The following CYLD variants were observed in gnomAD, a reference collection of about 807,000 sequenced individuals.
CYLD encodes CYLD lysine 63 deubiquitinase, also known as ubiquitin carboxyl-terminal hydrolase CYLD.
Under a neutral mutation model 104.5 loss-of-function variants are expected in CYLD, and 26 were observed. The ratio of observed to expected loss-of-function variants is 0.25; its 90% CI spans 0.18 to 0.35. CYLD has a LOEUF of 0.35. Ranked by LOEUF, CYLD falls within the 10% of genes least tolerant of loss-of-function variation. The probability of loss-of-function intolerance (pLI) is 1.00; values close to 1 mark genes in which losing one functional copy is unlikely to be tolerated. For missense variants in CYLD, 703 were observed against 1,136.1 expected (o/e 0.62, Z 5.48); for synonymous variants, 385 against 399.9 (o/e 0.96, Z 0.45).
chr16:50,750,212 A>G lies in CYLD; in HGVS notation c.504+10A>G, dbSNP rs1179869402. Reference sequence around the variant, plus strand: ...TGGAGTTGAATTGCTGGTAAGTTTGATAAACCATTTTAGTAGTGTGTTTGT... The same window carrying G: ...TGGAGTTGAATTGCTGGTAAGTTTGGTAAACCATTTTAGTAGTGTGTTTGT... On this transcript the variant is annotated intron_variant, in intron 3 of 18. Coordinates refer to ENST00000427738, the MANE Select transcript of CYLD (RefSeq NM_001378743.1). 44 of 1,613,452 alleles carry G rather than the reference A, an allele frequency of 2.7e-5. No individual in the cohort carries two copies. The highest frequency in any genetic ancestry group is 3.4e-5 in the Non-Finnish European group (40 of 1,179,868).
intron 8 of CYLD, among the ~76,000 whole-genome samples, chr16:50,779,019 C>G (rs1388940465): frequency 6.6e-6 from 1 of 152,046 alleles, no homozygotes; most frequent in Non-Finnish European, 1.5e-5. Context: ...AAATTACATT[C>G]TGTGTTTGTG....
intron 2 of CYLD, 82 bp downstream of exon 2, chr16:50,742,923 A>G (rs1965843408): frequency 5.0e-6 from 2 of 397,236 alleles, no homozygotes; most frequent in East Asian, 7.2e-5. Context: ...GAAGTCATGA[A>G]ATCTTCAGGA....
At chr16:50,754,975 G>GTATACATATATACATATATATGTATA in intron 5 of CYLD, among the ~76,000 whole-genome samples, 1 of 124,750 alleles carries the variant, frequency 8.0e-6, no homozygotes, top group East Asian at 2.3e-4. Flanking sequence ...ACACATATAT[G>GTATACATATATACATATATATGTATA]TATACATATA....
intron 5 of CYLD, among the ~76,000 whole-genome samples, chr16:50,771,400 G>A (rs1969131165): frequency 6.6e-6 from 1 of 152,066 alleles, no homozygotes; most frequent in Non-Finnish European, 1.5e-5. Flanking sequence ...ATTTTGTTTA[G>A]CCATTTTTCA....
In CYLD at chr16:50,749,967, T is replaced by C. The variant is rs755856295; in HGVS notation, c.269T>C (p.Val90Ala). ...CTCTTTGTTGATGAAAAGGATGTTG[T>C]AGAGATAAATGAAAAGTTCACAGAG... Reference protein sequence around the residue: ...AVLFVDEKDVVEINEKFTELL... With the variant: ...AVLFVDEKDVAEINEKFTELL... Residue 90 changes from valine to alanine, a missense_variant, in exon 3 of 19, where the codon GTA becomes GCA. Val to Ala is a moderately conservative substitution (Grantham distance 64). This residue lies in a region of CYLD where 142 missense variants were observed against 165.1 expected (regional missense o/e 0.86). Coordinates refer to ENST00000427738, the MANE Select transcript of CYLD (RefSeq NM_001378743.1). 2.5e-6 allele frequency: 4 copies of C among 1,614,136 alleles called. No homozygotes were observed. The highest frequency in any genetic ancestry group is 1.7e-5 in the Admixed American group (1 of 60,020).
chr16:50,755,370 A>C (rs1967098406), intron 5 of CYLD, among the ~76,000 whole-genome samples: 1 of 151,828 alleles, frequency 6.6e-6, no homozygotes, highest in Non-Finnish European at 1.5e-5. Context: ...TCCTATAATC[A>C]CTTTTTTTCC....
chr16:50,771,467 T>C (rs1027207489), intron 5 of CYLD, among the ~76,000 whole-genome samples: 1 of 152,200 alleles, frequency 6.6e-6, no homozygotes, highest in Non-Finnish European at 1.5e-5. Flanking sequence ...GCTGTGAACA[T>C]TCATATACAA....
At chr16:50,758,892 C>T (rs937637299) in intron 5 of CYLD, among the ~76,000 whole-genome samples, 11 of 152,054 alleles carry the variant, frequency 7.2e-5, no homozygotes, top group African/African-American at 2.4e-4. Context: ...TAATATTATA[C>T]GAATTCATGT....
intron 8 of CYLD, among the ~76,000 whole-genome samples, chr16:50,779,181 T>C (rs1435832663): frequency 1.3e-5 from 2 of 152,218 alleles, no homozygotes; most frequent in African/African-American, 4.8e-5. Flanking sequence ...CTTTTGTTTT[T>C]TTCTGAAATA....
chr16:50,774,607 G>T (rs1969477792), intron 5 of CYLD, among the ~76,000 whole-genome samples: 1 of 152,176 alleles, frequency 6.6e-6, no homozygotes. Flanking sequence ...GACTGAGGTG[G>T]CTACTAAGTG....
intron 9 of CYLD, 116 bp downstream of exon 9, chr16:50,780,160 C>A: frequency 2.4e-6 from 3 of 1,273,950 alleles, no homozygotes; most frequent in East Asian, 2.4e-5. Flanking sequence ...GCTATCACTG[C>A]AGAATAATTT....
intron 1 of CYLD, chr16:50,742,543 C>A: frequency 6.1e-6 from 1 of 162,858 alleles, no homozygotes; most frequent in Non-Finnish European, 1.3e-5. Flanking sequence ...CTGTCCCCCT[C>A]CCGCCCCCCA....
In CYLD at chr16:50,794,418, C is replaced by T. The variant is rs1289366169; in HGVS notation, c.2676C>T (p.Ala892=). 4.3e-6 allele frequency: 7 copies of T among 1,613,928 alleles called. No homozygotes were observed. Among genetic ancestry groups the T allele is most frequent in the African/African-American group, 4.0e-5 (3 of 74,872 alleles). Residue 892 remains alanine, a synonymous_variant, in exon 18 of 19, where the codon GCC becomes GCT. Transcript: ENST00000427738. This position sits in a 1 kb window ranked among gnomAD's most constrained non-coding sequence, Gnocchi z 4.1. ...CCTGGCTCTTCTTTGACAGCATGGC[C>T]GATCGGGATGGTACTGAAAACGCCT... ...DSAWLFFDSM[A]DRDGGQNGFN...
chr16:50,765,754 T>A (rs1968435929), intron 5 of CYLD, among the ~76,000 whole-genome samples: 1 of 152,204 alleles, frequency 6.6e-6, no homozygotes, highest in Non-Finnish European at 1.5e-5. Flanking sequence ...ATTGCTGATA[T>A]GGAGAAAGGT....
In CYLD at chr16:50,782,405, G is replaced by T; in HGVS notation, c.1765G>T (p.Gly589Trp). The change falls in exon 11 of 19, where the codon GGG (glycine) becomes TGG (tryptophan). Residue 589 changes from glycine (G) to tryptophan (W), a missense_variant. Gly to Trp is a radical substitution (Grantham distance 184). Around this residue, in one of 5 missense-constraint regions of CYLD, gnomAD observed 125 missense variants for 325.4 expected, o/e 0.38. Transcript: ENST00000427738. ...AAAAGAAGGCTTGGAGATAATGATT[G>T]GGAAGAAGAAAGGCATCCAGGGTCA... The part of the protein sequence containing the change: ...MEKEGLEIMI[G>W]KKKGIQGHYN... 1 of 1,613,826 alleles carries T rather than the reference G, an allele frequency of 6.2e-7. No homozygotes were observed. Among genetic ancestry groups the T allele is most frequent in the South Asian group, 1.1e-5 (1 of 91,074 alleles).
At chr16:50,789,754 A>T (rs912953201) in intron 14 of CYLD, among the ~76,000 whole-genome samples, 1 of 152,208 alleles carries the variant, frequency 6.6e-6, no homozygotes, top group Non-Finnish European at 1.5e-5. Flanking sequence ...AAAATAATTA[A>T]ATAGTCTAAA....
chr16:50,767,759 C>T (rs534676184), intron 5 of CYLD, among the ~76,000 whole-genome samples: 1 of 152,230 alleles, frequency 6.6e-6, no homozygotes, highest in African/African-American at 2.4e-5. Context: ...GAAGTGCTTT[C>T]TCCCACACAC....
At chr16:50,787,466 CAG>C in intron 13 of CYLD, 1 of 310,820 alleles carries the variant, frequency 3.2e-6, no homozygotes, top group Non-Finnish European at 6.0e-6. Flanking sequence ...CAGGAAAAAA[CAG>C]AGCATACTTC....
intron 5 of CYLD, among the ~76,000 whole-genome samples, chr16:50,769,429 A>G (rs1352151747): frequency 6.6e-6 from 1 of 152,190 alleles, no homozygotes; most frequent in Non-Finnish European, 1.5e-5. Flanking sequence ...GACCAGTGAT[A>G]TCAAACATCT....
Sources: gnomAD v4.1 joint callset for allele counts (sites outside exome capture counted in the v4.1 genomes callset) on GRCh38, gnomAD v4.1.1 for gene constraint, gnomAD v4.1.1 regional missense constraint, Gnocchi (gnomAD v3.1) non-coding constraint, MANE v1.5 for transcripts, NCBI Gene and HGNC (gene_info 2026-07-23, HGNC 2026-07-21) for gene names.